The following PLOD1 variants were observed in gnomAD, a reference collection of about 807,000 sequenced individuals.
PLOD1 encodes procollagen-lysine,2-oxoglutarate 5-dioxygenase 1, also known as lysine hydroxylase.
In PLOD1, 70 loss-of-function variants were observed where a neutral mutation model predicts 94.7. The observed-to-expected ratio is 0.74, with a 90% CI of 0.61 to 0.90. PLOD1 has a LOEUF of 0.90. PLOD1 is among the 40% of genes least tolerant of loss of function. The pLI is 0.00. For synonymous variants in PLOD1, 417 were observed against 400.2 expected (o/e 1.04, Z -0.50); for missense variants, 905 against 972.7 (o/e 0.93, Z 0.93).
Position 11,963,362 on chromosome 1 carries a change from A to C in PLOD1, c.1098-170A>C, listed in dbSNP as rs1217609899. 6.6e-6 allele frequency among the ~76,000 whole-genome samples: 1 copy of C among 152,216 alleles called. No individual in the cohort carries two copies. Reference sequence around the variant, plus strand: ...TGGGCCTTGGGTGAGAGAGCCCAGCAGTCCAGGGGTTTGGGACTCAGAGTC... The same window carrying C: ...TGGGCCTTGGGTGAGAGAGCCCAGCCGTCCAGGGGTTTGGGACTCAGAGTC... On this transcript the variant is annotated intron_variant, in intron 10 of 18. Transcript: ENST00000196061. The surrounding 1 kb of genome is among the most constrained non-coding windows in gnomAD (Gnocchi z 4.3).
rs910731070 is a variant in PLOD1, at chr1:11,966,888, C to T, written c.1651-99C>T. The T allele has an allele frequency of 8.6e-6, 7 of 814,540 alleles. No individual in the cohort carries two copies. In the Admixed American group the frequency reaches 1.0e-4, roughly 12 times the overall value. The allele number at this position is 814,540 out of a possible 1,614,324, so 50.5% of individuals were successfully genotyped here. ...GACAAGGCCCTGCTCCCCGGGGACA[C>T]TGGGAGGGCTCCCTGGCTTGGGTGT... On this transcript the variant is annotated intron_variant, in intron 15 of 18. Transcript: ENST00000196061.
chr1:11,967,985 G>A (rs535546306), intron 16 of PLOD1, among the ~76,000 whole-genome samples: 4 of 147,676 alleles, frequency 2.7e-5, no homozygotes, highest in Non-Finnish European at 4.5e-5. Flanking sequence ...GCAGTGTCTC[G>A]TTCTGTCACC....
At chr1:11,955,798 A>AT (rs888809260) in intron 6 of PLOD1, among the ~76,000 whole-genome samples, 1 of 151,526 alleles carries the variant, frequency 6.6e-6, no homozygotes. Flanking sequence ...TAATTTTTGT[A>AT]TTTTTTTAGT....
In PLOD1 at chr1:11,963,746, CTT is replaced by C. The variant is rs1645795471; in HGVS notation, c.1202+114_1202+115del. 10 of 724,084 alleles carry C rather than the reference CTT, an allele frequency of 1.4e-5. No individual in the cohort carries two copies. Among genetic ancestry groups the C allele is most frequent in the Non-Finnish European group, 2.3e-5 (9 of 398,832 alleles). 44.9% of individuals were successfully genotyped at this position (724,084 alleles called of 1,614,324 possible). Reference sequence around the variant, plus strand: ...TCCTCATCCACCTCCTCTTCCTCCTCTTTTTCCTTCTCCTGCTCCTCTTTCTC... The same window carrying C: ...TCCTCATCCACCTCCTCTTCCTCCTCTTTCCTTCTCCTGCTCCTCTTTCTC... On this transcript the variant is annotated intron_variant, in intron 11 of 18. Transcript: ENST00000196061. The surrounding 1 kb of genome is among the most constrained non-coding windows in gnomAD (Gnocchi z 4.3).
In PLOD1 at chr1:11,957,079, T is replaced by C. The variant is rs1261075837; in HGVS notation, c.741+65T>C. On this transcript the variant is annotated intron_variant, in intron 7 of 18. Coordinates refer to ENST00000196061, the MANE Select transcript of PLOD1 (RefSeq NM_000302.4). This position sits in a 1 kb window ranked among gnomAD's most constrained non-coding sequence, Gnocchi z 4.1. ...CAGAGCCCTAATTTCATTCTCACTGTGACCCCACAGTGTCTCCCTGGGGCC... is the reference window on the plus strand; with the variant it reads ...CAGAGCCCTAATTTCATTCTCACTGCGACCCCACAGTGTCTCCCTGGGGCC... 1.8e-6 allele frequency: 2 copies of C among 1,085,234 alleles called. No individual in the cohort carries two copies. Among genetic ancestry groups the C allele is most frequent in the Middle Eastern group, 2.0e-4 (1 of 5,090 alleles). 67.2% of individuals were successfully genotyped at this position (1,085,234 alleles called of 1,614,324 possible). A position where few individuals can be genotyped will look rare whatever the true frequency, so the allele number is the denominator to read the frequency against.
At chr1:11,959,372 T>A (rs1645762233) in intron 9 of PLOD1, among the ~76,000 whole-genome samples, 1 of 152,032 alleles carries the variant, frequency 6.6e-6, no homozygotes, top group South Asian at 2.1e-4. Context: ...TCATCTTCAC[T>A]TCCATCCCTG....
intron 13 of PLOD1, among the ~76,000 whole-genome samples, 180 bp downstream of exon 13, chr1:11,964,965 C>T (rs1337727942): frequency 3.3e-5 from 5 of 152,134 alleles, no homozygotes; most frequent in Admixed American, 6.6e-5. Flanking sequence ...CCGTCGGGCA[C>T]GAGGGCTGGT....
intron 5 of PLOD1, 27 bp downstream of exon 5, chr1:11,952,762 G>C (rs765432616): frequency 7.9e-6 from 12 of 1,520,718 alleles, no homozygotes; most frequent in Non-Finnish European, 1.1e-5. Flanking sequence ...GGGCCAAGGA[G>C]AGGGGGCTGG....
chr1:11,949,759 G>A lies in PLOD1; in HGVS notation c.169-14G>A, dbSNP rs750189989. On this transcript the variant is annotated splice_polypyrimidine_tract_variant and intron_variant, in intron 2 of 18. Transcript: ENST00000196061. ...CTTTACCAAAAGCCCGTGTTAAGGG[G>A]TGTTTCTCTCCAGGCGCTTGGCCTA... 1 of 1,613,678 alleles carries A rather than the reference G, an allele frequency of 6.2e-7. No individual in the cohort carries two copies. Among genetic ancestry groups the A allele is most frequent in the Non-Finnish European group, 8.5e-7 (1 of 1,179,730 alleles).
chr1:11,963,567 A>G lies in PLOD1; in HGVS notation c.1133A>G (p.Tyr378Cys), dbSNP rs749210400. The change falls in exon 11 of 19, where the codon TAC (tyrosine) becomes TGC (cysteine). Residue 378 changes from tyrosine to cysteine, a missense_variant. Transcript: ENST00000196061. The surrounding 1 kb of genome is among the most constrained non-coding windows in gnomAD (Gnocchi z 4.3). ...LCRQDRSCTY[Y>C]FSVDADVALT... ...CGGCAGGACCGCAGCTGCACCTACT[A>G]CTTCAGCGTGGATGCTGACGTGGCC... 15 of 1,604,278 alleles carry G rather than the reference A, an allele frequency of 9.4e-6. No individual in the cohort carries two copies. The highest frequency in any genetic ancestry group is 5.1e-5 in the Admixed American group (3 of 58,280).
Position 11,970,593 on chromosome 1 carries a change from G to C in PLOD1, c.1756-77G>C, listed in dbSNP as rs1645854507. On this transcript the variant is annotated intron_variant, in intron 16 of 18. Coordinates refer to ENST00000196061, the MANE Select transcript of PLOD1 (RefSeq NM_000302.4). Reference sequence around the variant, plus strand: ...TAATGTGGTCCGGTCACATTCCCGGGTGTAGGAGAGGGGAGTAGACAGAGC... The same window carrying C: ...TAATGTGGTCCGGTCACATTCCCGGCTGTAGGAGAGGGGAGTAGACAGAGC... 4.4e-6 allele frequency: 6 copies of C among 1,369,440 alleles called. No homozygotes were observed. In the East Asian group the frequency reaches 1.2e-4, roughly 26 times the overall value. The allele number at this position is 1,369,440 out of a possible 1,614,324, so 84.8% of individuals were successfully genotyped here.
At chr1:11,966,199 C>T (rs1052579497) in intron 14 of PLOD1, 52 bp from the exon 15 acceptor site, 4 of 1,355,972 alleles carry the variant, frequency 2.9e-6, no homozygotes, top group African/African-American at 2.9e-5. Context: ...CTGAGCATCC[C>T]TGGCAGTTGA....
chr1:11,959,099 G>A (rs1179190793), intron 9 of PLOD1, among the ~76,000 whole-genome samples: 1 of 152,014 alleles, frequency 6.6e-6, no homozygotes, highest in African/African-American at 2.4e-5. Flanking sequence ...CAGCTACTCA[G>A]GAGGCTGAGG....
chr1:11,937,226 G>A (rs554452757), intron 1 of PLOD1, among the ~76,000 whole-genome samples: 13 of 152,308 alleles, frequency 8.5e-5, no homozygotes, highest in Admixed American at 2.6e-4. Flanking sequence ...TAAAGCCGGC[G>A]GTGCTTGCTC....
chr1:11,959,855 A>T (rs935589152), intron 9 of PLOD1, among the ~76,000 whole-genome samples: 24 of 150,544 alleles, frequency 1.6e-4, no homozygotes, highest in African/African-American at 5.4e-4. Context: ...TGACCTCGTG[A>T]TCTGCCTGCC....
rs951107031 is a variant in PLOD1, at chr1:11,974,802, T to C, written c.2178T>C (p.Asp726=). The C allele has an allele frequency of 1.9e-6, 3 of 1,613,970 alleles. No homozygotes were observed. The East Asian group carries it at 6.7e-5, about 36-fold the overall frequency. The change falls in exon 19 of 19, where the codon GAT becomes GAC. Residue 726 remains aspartate (D), a synonymous_variant. Transcript: ENST00000196061. ...GCTACATCGCAGTCTCCTTCGTCGA[T>C]CCCTAATTGGCCAGGCCTGACCCTC... ...GTRYIAVSFV[D]P is the part of the protein sequence containing the mutation.
rs121913554 is a variant in PLOD1 at position 11,972,977 on chromosome 1, C to T, written c.2008C>T (p.Arg670Ter). The T allele has an allele frequency of 1.2e-5, 20 of 1,614,044 alleles. No individual in the cohort carries two copies. The highest frequency in any genetic ancestry group is 1.5e-5 in the Non-Finnish European group (18 of 1,179,994). Residue 670 changes from arginine (R) to a stop codon, truncating the protein, a stop_gained, in exon 18 of 19, where the codon CGA (arginine) becomes TGA (stop). Coordinates refer to ENST00000196061, the MANE Select transcript of PLOD1 (RefSeq NM_000302.4). LOFTEE classifies it high-confidence loss of function. The surrounding 1 kb of genome is among the most constrained non-coding windows in gnomAD (Gnocchi z 4.6). ...STFTINIALNRVGVDYEGGGC... is the reference protein window; with the variant it reads ...STFTINIALN ...CTTCACCATCAACATCGCCCTGAAC[C>T]GAGTCGGGGTGGATTACGAGGTGAG...
chr1:11,951,320 C>T (rs1044092034), intron 4 of PLOD1, among the ~76,000 whole-genome samples: 1 of 151,842 alleles, frequency 6.6e-6, no homozygotes, highest in Admixed American at 6.6e-5. Context: ...AATGTCAGCA[C>T]TTTGGGAAGC....
chr1:11,954,369 C>T (rs1306930459), intron 5 of PLOD1: 1 of 359,228 alleles, frequency 2.8e-6, no homozygotes, highest in Non-Finnish European at 5.6e-6. Flanking sequence ...GCCCGTAGTC[C>T]CAGCTACTCA....
Sources: allele counts gnomAD v4.1 joint callset (sites outside exome capture counted in the v4.1 genomes callset), GRCh38; gene constraint gnomAD v4.1.1; non-coding constraint Gnocchi (gnomAD v3.1); transcripts MANE v1.5; gene names NCBI Gene and HGNC (gene_info 2026-07-23, HGNC 2026-07-21).